DYNC1I1: variants seen among roughly 807,000 people sequenced by gnomAD.
The protein encoded by DYNC1I1 is cytoplasmic dynein 1 intermediate chain 1.
Under a neutral mutation model 86.6 loss-of-function variants are expected in DYNC1I1, and 43 were observed. That is an observed-to-expected ratio of 0.50 (90% CI 0.39 to 0.64). DYNC1I1 has a LOEUF of 0.64. Among genes scored for constraint, DYNC1I1 ranks in the 30% least tolerant of loss-of-function variants. The probability of loss-of-function intolerance (pLI) is 0.00; values close to 1 mark genes in which losing one functional copy is unlikely to be tolerated. For synonymous variants in DYNC1I1, 262 were observed against 283.7 expected, an observed-to-expected ratio of 0.92 and a Z score of 0.77; for missense variants, 604 against 788.8, an observed-to-expected ratio of 0.77 and a Z score of 2.81.
chr7:95,955,042 A>G (rs1257948799), intron 6 of DYNC1I1, among the ~76,000 whole-genome samples: 2 of 152,156 alleles, frequency 1.3e-5, no homozygotes, highest in Admixed American at 1.3e-4. Flanking sequence ...CCAGTCCACA[A>G]ACTATTAGTT....
At chr7:95,774,469 T>C (rs2115602838) in intron 1 of DYNC1I1, among the ~76,000 whole-genome samples, 1 of 152,276 alleles carries the variant, frequency 6.6e-6, no homozygotes. Flanking sequence ...TGTTTTACTG[T>C]TAAAGCTTTA....
At chr7:96,110,278 G>T (rs956523735), downstream of DYNC1I1, 4 of 199,664 alleles carry the variant, frequency 2.0e-5, no homozygotes, top group African/African-American at 7.2e-5. Context: ...ATGAAATGTT[G>T]CTGTTTATTC....
chr7:96,032,083 A>G (rs896783190), intron 11 of DYNC1I1, among the ~76,000 whole-genome samples: 1 of 152,154 alleles, frequency 6.6e-6, no homozygotes, highest in African/African-American at 2.4e-5. Flanking sequence ...GCAGTAACAT[A>G]GAAGAACCTA....
Position 96,004,953 on chromosome 7 carries a change from T to C in DYNC1I1, c.969+8880T>C, listed in dbSNP as rs561071434. 3.3e-5 allele frequency among the ~76,000 whole-genome samples: 5 copies of C among 152,346 alleles called. No homozygotes were observed. The East Asian group carries it at 9.6e-4, about 29-fold the overall frequency. ...CTATCAGAAAAATCATCAAATCTTA[T>C]GATTGCTCTTAGGAGAGGTTGGTAT... On this transcript the variant is annotated intron_variant, in intron 10 of 16. Coordinates refer to ENST00000447467, the MANE Select transcript of DYNC1I1 (RefSeq NM_001135556.2).
intron 3 of DYNC1I1, among the ~76,000 whole-genome samples, chr7:95,811,337 A>G (rs1033719120): frequency 6.6e-6 from 1 of 152,144 alleles, no homozygotes; most frequent in African/African-American, 2.4e-5. Flanking sequence ...CTTTTGGAAG[A>G]ATACATAAAA....
chr7:95,852,419 T>C (rs1173336673), intron 5 of DYNC1I1, among the ~76,000 whole-genome samples: 2 of 152,130 alleles, frequency 1.3e-5, no homozygotes, highest in African/African-American at 4.8e-5. Flanking sequence ...CAGCTAAAAG[T>C]TTGTCAATTT....
intron 5 of DYNC1I1, among the ~76,000 whole-genome samples, chr7:95,861,663 G>A (rs1789883185): frequency 6.6e-6 from 1 of 151,970 alleles, no homozygotes; most frequent in African/African-American, 2.4e-5. Context: ...GAAACAGCAA[G>A]TTGGCTATAT....
chr7:96,070,244 T>C (rs1562993443), intron 14 of DYNC1I1, among the ~76,000 whole-genome samples: 1 of 152,100 alleles, frequency 6.6e-6, no homozygotes, highest in Non-Finnish European at 1.5e-5. Flanking sequence ...AGTTGGTTTT[T>C]TGGTTTGGTT....
chr7:95,841,526 G>A (rs1335727484), intron 5 of DYNC1I1, among the ~76,000 whole-genome samples: 3 of 152,196 alleles, frequency 2.0e-5, no homozygotes, highest in African/African-American at 2.4e-5. Context: ...AGTGACCAGC[G>A]AATATTGGGC....
chr7:95,816,028 T>A (rs566031610), intron 4 of DYNC1I1, among the ~76,000 whole-genome samples: 1 of 150,704 alleles, frequency 6.6e-6, no homozygotes, highest in Non-Finnish European at 1.5e-5. Flanking sequence ...TTTTTTTTTT[T>A]AATTTTAAAG....
chr7:96,049,603 C>G lies in DYNC1I1; in HGVS notation c.1509+10182C>G, dbSNP rs1480030560. Among the ~76,000 whole-genome samples the G allele has an allele frequency of 3.9e-5, 6 of 152,270 alleles. No individual in the cohort carries two copies. In the East Asian group the frequency reaches 9.7e-4, roughly 25 times the overall value. On this transcript the variant is annotated intron_variant, in intron 14 of 16. Coordinates refer to ENST00000447467, the MANE Select transcript of DYNC1I1 (RefSeq NM_001135556.2). Reference sequence around the variant, plus strand: ...TAATAGGATTAGTGATAGCCTCACACTTCAGCTTGTAAATTAAATAACATA... The same window carrying G: ...TAATAGGATTAGTGATAGCCTCACAGTTCAGCTTGTAAATTAAATAACATA...
intron 5 of DYNC1I1, among the ~76,000 whole-genome samples, chr7:95,866,108 C>T (rs1471396839): frequency 6.6e-6 from 1 of 152,194 alleles, no homozygotes; most frequent in Admixed American, 6.5e-5. Context: ...TTGTCTTGCT[C>T]TTCCTCCTTT....
chr7:95,875,514 G>A (rs1790287229), intron 6 of DYNC1I1, among the ~76,000 whole-genome samples: 1 of 152,126 alleles, frequency 6.6e-6, no homozygotes, highest in South Asian at 2.1e-4. Flanking sequence ...CTGTTAGTAT[G>A]TTCCATTAAT....
At chr7:95,813,071 T>G in intron 3 of DYNC1I1, 176 bp from the exon 4 acceptor site, 1 of 1,360,422 alleles carries the variant, frequency 7.4e-7, no homozygotes, top group Non-Finnish European at 9.9e-7. Context: ...AAAAATTCAC[T>G]GGACTTTTTT....
At chr7:95,800,572 G>A (rs1434262811) in intron 1 of DYNC1I1, among the ~76,000 whole-genome samples, 2 of 152,140 alleles carry the variant, frequency 1.3e-5, no homozygotes, top group African/African-American at 4.8e-5. Flanking sequence ...GCAGTGGATG[G>A]GGCTGGGGAG....
At chr7:96,041,236 C>T (rs142875966) in intron 14 of DYNC1I1, among the ~76,000 whole-genome samples, 1 of 152,152 alleles carries the variant, frequency 6.6e-6, no homozygotes, top group African/African-American at 2.4e-5. Context: ...AGATAACAAC[C>T]TCATTTATAA....
chr7:96,066,424 C>T (rs1343320808), intron 14 of DYNC1I1, among the ~76,000 whole-genome samples: 2 of 152,216 alleles, frequency 1.3e-5, no homozygotes, highest in African/African-American at 2.4e-5. Context: ...TACTTGTTCT[C>T]TTTCTTTGGT....
chr7:96,074,787 C>T (rs1330619605), intron 14 of DYNC1I1, among the ~76,000 whole-genome samples: 1 of 152,084 alleles, frequency 6.6e-6, no homozygotes, highest in African/African-American at 2.4e-5. Flanking sequence ...TATTTGGAGC[C>T]GATTCCCTAC....
At chr7:96,000,885 A>C (rs1793993689) in intron 10 of DYNC1I1, among the ~76,000 whole-genome samples, 1 of 152,196 alleles carries the variant, frequency 6.6e-6, no homozygotes. Flanking sequence ...GATTATTTCT[A>C]TACCTCATGG....
Sources: allele counts gnomAD v4.1 joint callset (sites outside exome capture counted in the v4.1 genomes callset), GRCh38; gene constraint gnomAD v4.1.1; transcripts MANE v1.5; gene names NCBI Gene and HGNC (gene_info 2026-07-23, HGNC 2026-07-21).